ANK3: variants seen among roughly 807,000 people sequenced by gnomAD.
ANK3 encodes ankyrin 3.
A neutral mutation model predicts 370.9 loss-of-function variants in ANK3; 57 were observed. That is an observed-to-expected ratio of 0.15 (90% CI 0.12 to 0.19). ANK3 has a LOEUF of 0.19. Among genes scored for constraint, ANK3 ranks in the 10% least tolerant of loss-of-function variants. The probability of loss-of-function intolerance (pLI) is 1.00; values close to 1 mark genes in which losing one functional copy is unlikely to be tolerated. For missense variants in ANK3, 4,439 were observed against 5,302.1 expected, an observed-to-expected ratio of 0.84 and a Z score of 5.06; for synonymous variants, 1,929 against 1,946.3, an observed-to-expected ratio of 0.99 and a Z score of 0.23.
At chr10:60,714,413 A>C (rs1030648773) in intron 1 of ANK3, among the ~76,000 whole-genome samples, 3 of 152,214 alleles carry the variant, frequency 2.0e-5, no homozygotes, top group African/African-American at 7.2e-5. Context: ...TTACCCTAAT[A>C]CCAAAACTAG....
At position 60,026,939 on chromosome 10, in the gene ANK3, TTA is replaced by T. The variant is rs1166017980; in HGVS notation, c.*2905_*2906del. Reference sequence around the variant, plus strand: ...TATTTATAAGCTGGCAGGCCAAATATTATGTTAGAAATACATAATGTCACATT... The same window carrying T: ...TATTTATAAGCTGGCAGGCCAAATATTGTTAGAAATACATAATGTCACATT... On this transcript the variant is annotated 3_prime_UTR_variant, in exon 44 of 44. Coordinates refer to ENST00000280772, the MANE Select transcript of ANK3 (RefSeq NM_020987.5). 1 of 152,202 alleles carries T rather than the reference TTA, an allele frequency of 6.6e-6. No homozygotes were observed. Among genetic ancestry groups the T allele is most frequent in the Non-Finnish European group, 1.5e-5 (1 of 68,044 alleles). The allele number at this position is 152,202 out of a possible 1,614,324, so 9.4% of individuals were successfully genotyped here.
intron 25 of ANK3, among the ~76,000 whole-genome samples, chr10:60,128,197 G>A (rs1590435671): frequency 1.3e-5 from 2 of 152,092 alleles, no homozygotes; most frequent in Non-Finnish European, 2.9e-5. Flanking sequence ...AAATCCTGGA[G>A]GAGAGACTAT....
At chr10:60,291,639 A>C (rs910452393) in intron 1 of ANK3, among the ~76,000 whole-genome samples, 4 of 152,060 alleles carry the variant, frequency 2.6e-5, no homozygotes, top group African/African-American at 9.7e-5. Flanking sequence ...GCAAAGACGG[A>C]GCAGTGTTAA....
intron 2 of ANK3, among the ~76,000 whole-genome samples, chr10:60,419,619 G>A (rs961131036): frequency 6.6e-6 from 1 of 152,172 alleles, no homozygotes; most frequent in African/African-American, 2.4e-5. Context: ...GCATTGATAT[G>A]TTGGATGCCC....
chr10:60,519,863 A>G (rs140925277), intron 2 of ANK3, among the ~76,000 whole-genome samples: 75 of 152,290 alleles, frequency 4.9e-4, no homozygotes, highest in African/African-American at 1.8e-3. Context: ...GATGGTTTGT[A>G]TATGTGTGCG....
chr10:60,561,499 C>T (rs1022469665), intron 2 of ANK3, among the ~76,000 whole-genome samples: 2 of 152,196 alleles, frequency 1.3e-5, no homozygotes, highest in Non-Finnish European at 2.9e-5. Flanking sequence ...GTTCATCATT[C>T]ATTCACTCAG....
chr10:60,200,708 G>A (rs1042578117), intron 12 of ANK3, among the ~76,000 whole-genome samples: 1 of 152,032 alleles, frequency 6.6e-6, no homozygotes, highest in African/African-American at 2.4e-5. Flanking sequence ...TGGCAGTCTG[G>A]ATTTTATACA....
intron 1 of ANK3, among the ~76,000 whole-genome samples, chr10:60,687,020 T>C (rs1285823197): frequency 6.6e-6 from 1 of 152,212 alleles, no homozygotes; most frequent in Non-Finnish European, 1.5e-5. Context: ...TATTTGCCTA[T>C]AGCATTCAGT....
intron 2 of ANK3, among the ~76,000 whole-genome samples, chr10:60,435,966 A>C (rs2064145851): frequency 6.6e-6 from 1 of 152,184 alleles, no homozygotes; most frequent in South Asian, 2.1e-4. Flanking sequence ...AGGCGCCTGT[A>C]GTCCCAGCTT....
intron 2 of ANK3, among the ~76,000 whole-genome samples, chr10:60,494,269 G>GA (rs2075598218): frequency 1.3e-5 from 2 of 152,064 alleles, no homozygotes; most frequent in Non-Finnish European, 2.9e-5. Context: ...ACTAGAGATG[G>GA]AAAAAAATCA....
intron 1 of ANK3, among the ~76,000 whole-genome samples, chr10:60,296,110 A>C (rs2042437982): frequency 6.6e-6 from 1 of 152,186 alleles, no homozygotes; most frequent in African/African-American, 2.4e-5. Context: ...CTATTTTTGC[A>C]AAGTACAGAT....
At chr10:60,630,606 GAGGA>G (rs1272300895) in intron 1 of ANK3, among the ~76,000 whole-genome samples, 1 of 152,212 alleles carries the variant, frequency 6.6e-6, no homozygotes, top group African/African-American at 2.4e-5. Flanking sequence ...AGTGATCTGG[GAGGA>G]AGGAAGGGGC....
chr10:60,205,617 T>A (rs987174068), intron 11 of ANK3, among the ~76,000 whole-genome samples, 175 bp downstream of exon 11: 13 of 152,224 alleles, frequency 8.5e-5, no homozygotes, highest in African/African-American at 2.4e-5. Flanking sequence ...CCCACCAACA[T>A]GTTTGTCTGC....
In ANK3 at chr10:60,069,495, T is replaced by C. The variant is rs1357701203; in HGVS notation, c.11386A>G (p.Thr3796Ala). ...CTCATAATGTTATCTGTCTGTATAG[T>C]GGAAGAATCCAAATTGTTGTTGTTA... ...FNNNNNLDSS[T>A]IQTDNIMSNI... Residue 3796 changes from threonine (T) to alanine (A), a missense_variant, in exon 37 of 44, where the codon ACT becomes GCT. By Grantham distance (58) the Thr-to-Ala change is moderately conservative. Coordinates refer to ENST00000280772, the MANE Select transcript of ANK3 (RefSeq NM_020987.5). 5.6e-6 allele frequency: 9 copies of C among 1,613,922 alleles called. No homozygotes were observed. Among genetic ancestry groups the C allele is most frequent in the Non-Finnish European group, 6.8e-6 (8 of 1,179,984 alleles).
chr10:60,159,163 C>G (rs556622204), intron 23 of ANK3, among the ~76,000 whole-genome samples: 1 of 152,180 alleles, frequency 6.6e-6, no homozygotes, highest in South Asian at 2.1e-4. Flanking sequence ...GATTTAAAAA[C>G]AAGACTGAAC....
chr10:60,408,914 A>T (rs947866630), intron 2 of ANK3, among the ~76,000 whole-genome samples: 1 of 152,182 alleles, frequency 6.6e-6, no homozygotes, highest in African/African-American at 2.4e-5. Context: ...AGTTAATAAC[A>T]CTGGGCACAT....
At chr10:60,218,383 T>C (rs907494713) in intron 8 of ANK3, among the ~76,000 whole-genome samples, 1 of 152,060 alleles carries the variant, frequency 6.6e-6, no homozygotes, top group Non-Finnish European at 1.5e-5. Context: ...GTTTCATTAG[T>C]CTTTATATTT....
chr10:60,573,610 C>G (rs1048005280), intron 2 of ANK3, among the ~76,000 whole-genome samples: 4 of 152,166 alleles, frequency 2.6e-5, no homozygotes, highest in African/African-American at 9.7e-5. Flanking sequence ...GTATTTCACA[C>G]CTGGGTGGAA....
In ANK3 at chr10:60,196,637, A is replaced by AAAC. The variant is rs746797653; in HGVS notation, c.1690-13_1690-12insGTT. 2.1e-5 allele frequency: 33 copies of AAAC among 1,536,648 alleles called. No individual in the cohort carries two copies. In the African/African-American group the frequency reaches 4.4e-4, roughly 21 times the overall value. ...GGAGTAAATCCTTTCTGAAAAAAAA[A>AAAC]AAACATAAAAATAATGAACAATAGA... On this transcript the variant is annotated splice_polypyrimidine_tract_variant and intron_variant, in intron 14 of 43. Transcript: ENST00000280772.
Sources: allele counts gnomAD v4.1 joint callset (sites outside exome capture counted in the v4.1 genomes callset), GRCh38; gene constraint gnomAD v4.1.1; transcripts MANE v1.5; gene names NCBI Gene and HGNC (gene_info 2026-07-23, HGNC 2026-07-21).